Variants in CDHR2 observed in about 807,000 individuals in gnomAD.
CDHR2 encodes cadherin-related family member 2.
CDHR2 carries 104 observed loss-of-function variants against 138.6 expected under a neutral mutation model. The ratio of observed to expected loss-of-function variants is 0.75; its 90% CI spans 0.64 to 0.88. CDHR2 has a LOEUF of 0.88. Ranked by LOEUF, CDHR2 falls within the 40% of genes least tolerant of loss-of-function variation. The pLI, the probability that CDHR2 is intolerant of heterozygous loss-of-function variation, is 0.00. For synonymous variants in CDHR2, 755 were observed against 742.8 expected, an observed-to-expected ratio of 1.02 and a Z score of -0.27; for missense variants, 1,624 against 1,727.6, an observed-to-expected ratio of 0.94 and a Z score of 1.06.
chr5:176,568,817 G>A lies in CDHR2; in HGVS notation c.264G>A (p.Glu88=), dbSNP rs750215606. The change falls in exon 4 of 32, where the codon GAG becomes GAA. Residue 88 remains glutamate (E), a splice_region_variant and synonymous_variant. Transcript: ENST00000261944. ...AGCTGGCCAGCGCTCTGGACTACGAGGTAAAGAGCATCAGCCGGAGAGGGC... is the reference window on the plus strand; with the variant it reads ...AGCTGGCCAGCGCTCTGGACTACGAAGTAAAGAGCATCAGCCGGAGAGGGC... The part of the protein sequence containing the change: ...EVKLASALDY[E]TLYTFKVTIS... 6 of 1,614,116 alleles carry A rather than the reference G, an allele frequency of 3.7e-6. No homozygotes were observed. In the South Asian group the frequency reaches 5.5e-5, roughly 15 times the overall value.
At chr5:176,588,544 A>T (rs1160317903) in intron 21 of CDHR2, among the ~76,000 whole-genome samples, 2 of 138,618 alleles carry the variant, frequency 1.4e-5, no homozygotes, top group Non-Finnish European at 3.1e-5. Context: ...AGGGTGAGTG[A>T]GTGTATGTGT....
Position 176,588,596 on chromosome 5 carries a change from AGT to A in CDHR2, c.2857-427_2857-426del, listed in dbSNP as rs139551836. 6.3e-5 allele frequency among the ~76,000 whole-genome samples: 9 copies of A among 142,654 alleles called. 1 individual carries two copies. In the South Asian group the frequency reaches 1.1e-3, roughly 18 times the overall value. 93.6% of individuals were successfully genotyped at this position (142,654 alleles called of 152,430 possible). Reference sequence around the variant, plus strand: ...GAGAGTGTGTGTGAGGGTGTGTATGAGTGTGTGTGCATATGTGTGTAAGTGTG... The same window carrying A: ...GAGAGTGTGTGTGAGGGTGTGTATGAGTGTGTGCATATGTGTGTAAGTGTG... On this transcript the variant is annotated intron_variant, in intron 21 of 31. Coordinates refer to ENST00000261944, the MANE Select transcript of CDHR2 (RefSeq NM_017675.6).
chr5:176,594,126 G>A (rs1169597407), intron 31 of CDHR2, among the ~76,000 whole-genome samples: 1 of 152,218 alleles, frequency 6.6e-6, no homozygotes, highest in East Asian at 1.9e-4. Context: ...GGGCAGGGAA[G>A]TAGGAGAAGG....
At chr5:176,588,603 G>T (rs1306009316) in intron 21 of CDHR2, among the ~76,000 whole-genome samples, 1 of 150,444 alleles carries the variant, frequency 6.6e-6, no homozygotes, top group Non-Finnish European at 1.5e-5. Context: ...ATGAGTGTGT[G>T]TGCATATGTG....
intron 17 of CDHR2, among the ~76,000 whole-genome samples, chr5:176,582,680 G>T (rs1401951060): frequency 6.6e-6 from 1 of 152,164 alleles, no homozygotes. Context: ...TACTTGGAAG[G>T]CTGAGGCAGG....
At position 176,585,972 on chromosome 5, in the gene CDHR2, T is replaced by C. The variant is rs765524266; in HGVS notation, c.2753T>C (p.Ile918Thr). The change falls in exon 20 of 32, where the codon ATT (isoleucine) becomes ACT (threonine). Residue 918 changes from isoleucine (I) to threonine (T), a missense_variant. Coordinates refer to ENST00000261944, the MANE Select transcript of CDHR2 (RefSeq NM_017675.6). ...YSNNGSLLIT[I>T]EDVNDNAPYF... is the part of the protein sequence containing the mutation. ...CTCCTAGGAAGCCTCCTCATTACCA[T>C]TGAGGACGTGAATGACAATGCACCC... is the stretch of plus-strand genomic sequence containing the variant. The C allele has an allele frequency of 2.5e-5, 40 of 1,613,212 alleles. No homozygotes were observed. Among genetic ancestry groups the C allele is most frequent in the South Asian group, 7.7e-5 (7 of 91,068 alleles).
Position 176,571,302 on chromosome 5 carries a change from G to A in CDHR2, c.405G>A (p.Glu135=). 1 of 1,603,872 alleles carries A rather than the reference G, an allele frequency of 6.2e-7. No homozygotes were observed. Among genetic ancestry groups the A allele is most frequent in the Non-Finnish European group, 8.5e-7 (1 of 1,174,894 alleles). Residue 135 remains glutamate (E), a splice_region_variant and synonymous_variant, in exon 6 of 32, where the codon GAG becomes GAA. Transcript: ENST00000261944. The part of the protein sequence containing the change: ...QNTAFSTSIN[E]TLPVGSVVFS... Reference sequence around the variant, plus strand: ...CCGCTTTCTCCACCAGCATCAACGAGGTGACACCTGCCTTAATGTGGTTGT... The same window carrying A: ...CCGCTTTCTCCACCAGCATCAACGAAGTGACACCTGCCTTAATGTGGTTGT...
chr5:176,589,177 C>T lies in CDHR2; in HGVS notation c.3003C>T (p.Ser1001=), dbSNP rs775649119. 40 of 1,613,872 alleles carry T rather than the reference C, an allele frequency of 2.5e-5. No individual in the cohort carries two copies. The South Asian group carries it at 4.3e-4, about 17-fold the overall frequency. Residue 1001 remains serine (S), a synonymous_variant, in exon 22 of 32, where the codon AGC becomes AGT. Coordinates refer to ENST00000261944, the MANE Select transcript of CDHR2 (RefSeq NM_017675.6). The part of the protein sequence containing the change: ...TSSEADVFAG[S]IQPVTSLDST... ...CCGAGGCCGACGTGTTCGCTGGGAG[C>T]ATTCAGTAACTGCGGGCGGCCCCGG... is the stretch of plus-strand genomic sequence containing the variant.
At chr5:176,593,265 G>A (rs1394150001) in intron 31 of CDHR2, among the ~76,000 whole-genome samples, 1 of 152,214 alleles carries the variant, frequency 6.6e-6, no homozygotes, top group African/African-American at 2.4e-5. Context: ...ATGAGATCAA[G>A]TGTTCATAGA....
At chr5:176,544,192 C>T (rs1323925105) in intron 1 of CDHR2, among the ~76,000 whole-genome samples, 1 of 152,194 alleles carries the variant, frequency 6.6e-6, no homozygotes, top group African/African-American at 2.4e-5. Flanking sequence ...TCCGGGTCTA[C>T]TTAGTTTTTA....
rs528711667 is a variant in CDHR2, at chr5:176,553,530, C to T, written c.-16+4116C>T. On this transcript the variant is annotated intron_variant, in intron 1 of 31. Coordinates refer to ENST00000261944, the MANE Select transcript of CDHR2 (RefSeq NM_017675.6). The surrounding 1 kb of genome is among the most constrained non-coding windows in gnomAD (Gnocchi z 4.3). The stretch of plus-strand genomic sequence containing the variant: ...CTGCACACCTAGTGACTAATTGTCC[C>T]GTGGCAGTTGACTCATTTCTGAAGG... Among the ~76,000 whole-genome samples, 66 of 152,222 alleles carry T rather than the reference C, an allele frequency of 4.3e-4. No homozygotes were observed. The South Asian group carries it at 0.012, about 27-fold the overall frequency.
In CDHR2 at chr5:176,575,782, C is replaced by T; in HGVS notation, c.903C>T (p.Gly301=). Reference sequence around the variant, plus strand: ...CAGATGGGGTGATCAGGGTCAACGGCTCCCTGGACCGTGAGCAGCTGCTGG... The same window carrying T: ...CAGATGGGGTGATCAGGGTCAACGGTTCCCTGGACCGTGAGCAGCTGCTGG... The part of the protein sequence containing the change: ...IGADGVIRVN[G]SLDREQLLEA... Residue 301 remains glycine (G), a synonymous_variant, in exon 11 of 32, where the codon GGC becomes GGT. Transcript: ENST00000261944. The T allele has an allele frequency of 6.4e-7, 1 of 1,562,176 alleles. No individual in the cohort carries two copies. The highest frequency in any genetic ancestry group is 1.4e-5 in the African/African-American group (1 of 73,556).
intron 1 of CDHR2, among the ~76,000 whole-genome samples, chr5:176,564,375 ACAGGGTTTCAC>A (rs1222744596): frequency 6.6e-6 from 1 of 152,076 alleles, no homozygotes; most frequent in East Asian, 1.9e-4. Flanking sequence ...TTTGTTAGAG[ACAGGGTTTCAC>A]CATGTTGGTC....
chr5:176,572,008 G>C (rs184907272), intron 6 of CDHR2, among the ~76,000 whole-genome samples: 1 of 152,138 alleles, frequency 6.6e-6, no homozygotes. Flanking sequence ...GATATGATTT[G>C]AGTTTCTCTC....
intron 1 of CDHR2, among the ~76,000 whole-genome samples, chr5:176,551,521 T>C (rs184791118): frequency 2.0e-5 from 3 of 151,974 alleles, no homozygotes; most frequent in Non-Finnish European, 4.4e-5. Context: ...GACAAGGTCT[T>C]GCTCTGTCGC....
chr5:176,548,139 A>T (rs1012733558), upstream of CDHR2, among the ~76,000 whole-genome samples: 8 of 152,244 alleles, frequency 5.3e-5, no homozygotes, highest in Non-Finnish European at 1.0e-4. Flanking sequence ...GTATTTGTGC[A>T]TGTAAACACA....
chr5:176,558,692 T>G (rs1399336868), intron 1 of CDHR2, among the ~76,000 whole-genome samples: 1 of 152,112 alleles, frequency 6.6e-6, no homozygotes, highest in African/African-American at 2.4e-5. Flanking sequence ...GCTAATTTTT[T>G]GTATTTTTTA....
At chr5:176,565,091 T>C (rs578236492) in intron 1 of CDHR2, among the ~76,000 whole-genome samples, 50 of 152,250 alleles carry the variant, frequency 3.3e-4, no homozygotes, top group African/African-American at 1.2e-3. Context: ...CCTTGGAGCA[T>C]TTCCTGGTGC....
In CDHR2 at chr5:176,578,448, T is replaced by G; in HGVS notation, c.1658T>G (p.Val553Gly). The G allele has an allele frequency of 1.2e-6, 2 of 1,613,858 alleles. No individual in the cohort carries two copies. Among genetic ancestry groups the G allele is most frequent in the Non-Finnish European group, 1.7e-6 (2 of 1,179,836 alleles). ...CTGCTGGACCGGGAGAGCCAGGCCG[T>G]GTACTACCTGACGCTGCAGGCCACA... is the stretch of plus-strand genomic sequence containing the variant. ...GELLDRESQA[V>G]YYLTLQATDG... The change falls in exon 16 of 32, where the codon GTG becomes GGG. Residue 553 changes from valine to glycine, a missense_variant. Val to Gly is a moderately radical substitution (Grantham distance 109). Transcript: ENST00000261944.
Sources: gnomAD v4.1 joint callset for allele counts (sites outside exome capture counted in the v4.1 genomes callset) on GRCh38, gnomAD v4.1.1 for gene constraint, Gnocchi (gnomAD v3.1) non-coding constraint, MANE v1.5 for transcripts, NCBI Gene and HGNC (gene_info 2026-07-23, HGNC 2026-07-21) for gene names.